The following TMCO5A variants were observed in gnomAD, a reference collection of about 807,000 sequenced individuals.
TMCO5A encodes transmembrane and coiled-coil domains 5A, also known as transmembrane and coiled-coil domain-containing protein 5A.
In TMCO5A, 34 loss-of-function variants were observed where a neutral mutation model predicts 42.3. That is an observed-to-expected ratio of 0.80 (90% confidence interval 0.61 to 1.07). TMCO5A has a LOEUF of 1.07. Among genes scored for constraint, TMCO5A ranks in the 50% least tolerant of loss-of-function variants. The pLI, the probability that TMCO5A is intolerant of heterozygous loss-of-function variation, is 0.00. For missense variants in TMCO5A, 357 were observed against 327.9 expected (o/e 1.09, Z -0.69); for synonymous variants, 131 against 115.6 (o/e 1.13, Z -0.86).
intron 4 of TMCO5A, 117 bp downstream of exon 4, chr15:37,937,087 G>T: frequency 6.8e-7 from 1 of 1,466,188 alleles, no homozygotes; most frequent in Non-Finnish European, 9.1e-7. Context: ...CATCTCAAAA[G>T]TCATGATAAA....
the TMCO5A span, among the ~76,000 whole-genome samples, chr15:38,029,573 C>T: frequency 6.4e-4 from 97 of 152,274 alleles, no homozygotes; most frequent in Non-Finnish European, 1.1e-3. Flanking sequence ...AATTCTCCCA[C>T]TTCAGGCTCC....
chr15:37,965,251 C>A (rs570480852), intron 11 of TMCO5A, among the ~76,000 whole-genome samples: 2 of 152,100 alleles, frequency 1.3e-5, no homozygotes, highest in Non-Finnish European at 2.9e-5. Context: ...TCACCATATA[C>A]AAAAATCAAA....
At chr15:38,024,713 C>T in the TMCO5A span, 1 of 152,236 alleles carries the variant, frequency 6.6e-6, no homozygotes, top group Non-Finnish European at 1.5e-5. Context: ...AAAAGCACCT[C>T]AGCCGAAGGC....
intron 11 of TMCO5A, among the ~76,000 whole-genome samples, chr15:37,958,522 AATCAAAACCACAATGAGATACCATCTCAC>A (rs1232051081): frequency 3.9e-5 from 6 of 152,202 alleles, no homozygotes; most frequent in East Asian, 1.9e-4. Context: ...GAGAAATGCA[AATCAAAACCACAATGAGATACCATCTCAC>A]ATCAAAACCA....
chr15:37,940,493 C>T (rs372258257), intron 6 of TMCO5A, among the ~76,000 whole-genome samples: 82 of 152,230 alleles, frequency 5.4e-4, no homozygotes, highest in African/African-American at 1.8e-3. Context: ...GAGGCCTTTG[C>T]CAACCACCTA....
At chr15:37,982,993 C>A in the TMCO5A span, among the ~76,000 whole-genome samples, 1 of 152,030 alleles carries the variant, frequency 6.6e-6, no homozygotes. Context: ...CCCTCCTCAT[C>A]GTAGCCTAAA....
intron 11 of TMCO5A, among the ~76,000 whole-genome samples, chr15:37,959,760 C>T (rs1321377930): frequency 1.3e-5 from 2 of 151,938 alleles, no homozygotes; most frequent in African/African-American, 4.8e-5. Flanking sequence ...GAAAGCCTTT[C>T]CTCTAATATC....
the TMCO5A span, among the ~76,000 whole-genome samples, chr15:37,979,794 C>T: frequency 6.6e-6 from 1 of 152,098 alleles, no homozygotes. Flanking sequence ...GGAGCTCCAT[C>T]GCAGGGCAGA....
the TMCO5A span, among the ~76,000 whole-genome samples, chr15:38,021,899 T>C: frequency 4.0e-5 from 6 of 149,002 alleles, no homozygotes; most frequent in Non-Finnish European, 8.9e-5. Context: ...AACCTCCACC[T>C]CCTGGGTTCA....
the TMCO5A span, among the ~76,000 whole-genome samples, chr15:38,035,706 C>G: frequency 1.3e-5 from 2 of 152,220 alleles, no homozygotes; most frequent in Non-Finnish European, 2.9e-5. Flanking sequence ...GTTCCTTCTA[C>G]TACTGATTGA....
At chr15:38,031,301 A>G in the TMCO5A span, among the ~76,000 whole-genome samples, 1 of 152,068 alleles carries the variant, frequency 6.6e-6, no homozygotes, top group Non-Finnish European at 1.5e-5. Context: ...TTCCATTACC[A>G]CTTGTGGTAA....
At chr15:38,013,541 A>T in the TMCO5A span, among the ~76,000 whole-genome samples, 47 of 152,246 alleles carry the variant, frequency 3.1e-4, no homozygotes, top group African/African-American at 1.1e-3. Context: ...TAGGAGCTCT[A>T]ATCTCAGCTC....
At chr15:38,021,682 G>A in the TMCO5A span, among the ~76,000 whole-genome samples, 1 of 151,880 alleles carries the variant, frequency 6.6e-6, no homozygotes, top group Non-Finnish European at 1.5e-5. Flanking sequence ...AATCTAAAAA[G>A]ATAAAATTTA....
the TMCO5A span, among the ~76,000 whole-genome samples, chr15:38,033,203 C>G: frequency 6.6e-6 from 1 of 152,260 alleles, no homozygotes; most frequent in South Asian, 2.1e-4. Context: ...TGGTCTCTTA[C>G]CCTTCTGCAC....
downstream of TMCO5A, among the ~76,000 whole-genome samples, chr15:37,968,587 T>C (rs917426662): frequency 7.3e-5 from 11 of 151,254 alleles, no homozygotes; most frequent in East Asian, 3.9e-4. Flanking sequence ...CATTTCTTTT[T>C]TTTTTTTTTT....
At chr15:38,018,817 A>T in the TMCO5A span, among the ~76,000 whole-genome samples, 5 of 152,094 alleles carry the variant, frequency 3.3e-5, no homozygotes, top group Admixed American at 2.0e-4. Context: ...TTAAAATTAA[A>T]ATATTTTAAT....
At chr15:38,026,265 G>A in the TMCO5A span, among the ~76,000 whole-genome samples, 100 of 152,248 alleles carry the variant, frequency 6.6e-4, no homozygotes, top group Middle Eastern at 3.4e-3. Flanking sequence ...AAAGTGATAT[G>A]GACAATAAGG....
the TMCO5A span, among the ~76,000 whole-genome samples, chr15:37,995,350 C>T: frequency 1.3e-5 from 2 of 152,218 alleles, no homozygotes; most frequent in Non-Finnish European, 2.9e-5. Context: ...CATTCAGATT[C>T]CAAAATAATC....
chr15:37,951,844 G>A (rs184522761), downstream of TMCO5A, among the ~76,000 whole-genome samples: 27 of 152,174 alleles, frequency 1.8e-4, no homozygotes, highest in African/African-American at 5.8e-4. Flanking sequence ...TCATATTGCT[G>A]AGACACGGAA....
Sources: gnomAD v4.1 joint callset for allele counts (sites outside exome capture counted in the v4.1 genomes callset) on GRCh38, gnomAD v4.1.1 for gene constraint, MANE v1.5 for transcripts, NCBI Gene and HGNC (gene_info 2026-07-23, HGNC 2026-07-21) for gene names.